RASGRF2: variants seen among roughly 807,000 people sequenced by gnomAD.
RASGRF2 encodes ras-specific guanine nucleotide-releasing factor 2.
In RASGRF2, 76 loss-of-function variants were observed where a neutral mutation model predicts 151.0. That is an observed-to-expected ratio of 0.50 (90% CI 0.42 to 0.61). The LOEUF is 0.61. Among genes scored for constraint, RASGRF2 ranks in the 20% least tolerant of loss-of-function variants. RASGRF2 has a pLI of 0.00. For missense variants in RASGRF2, 1,148 were observed against 1,564.6 expected, an observed-to-expected ratio of 0.73 and a Z score of 4.49; for synonymous variants, 504 against 566.5, an observed-to-expected ratio of 0.89 and a Z score of 1.57.
intron 1 of RASGRF2, among the ~76,000 whole-genome samples, chr5:80,966,990 A>G (rs1391717551): frequency 6.6e-6 from 1 of 152,230 alleles, no homozygotes; most frequent in Admixed American, 6.5e-5. Context: ...AGGCCTATAT[A>G]AGAATAATTT....
At chr5:81,078,749 T>C (rs1382344590) in intron 5 of RASGRF2, among the ~76,000 whole-genome samples, 3 of 152,320 alleles carry the variant, frequency 2.0e-5, no homozygotes, top group South Asian at 2.1e-4. Context: ...TATCAAAATA[T>C]GAAGGTAGAT....
chr5:81,154,127 C>T (rs1328269174), intron 17 of RASGRF2, among the ~76,000 whole-genome samples: 1 of 152,086 alleles, frequency 6.6e-6, no homozygotes, highest in Non-Finnish European at 1.5e-5. Context: ...AACTTTAATA[C>T]CCCACTCTAA....
At chr5:80,976,105 A>G (rs1248179292) in intron 1 of RASGRF2, among the ~76,000 whole-genome samples, 1 of 152,180 alleles carries the variant, frequency 6.6e-6, no homozygotes, top group Non-Finnish European at 1.5e-5. Flanking sequence ...TGGCCTCCCA[A>G]AGTGCTGGGA....
At chr5:80,961,144 TCCCC>T in intron 1 of RASGRF2, 118 bp downstream of exon 1, 1 of 1,166,644 alleles carries the variant, frequency 8.6e-7, no homozygotes, top group Non-Finnish European at 1.1e-6. Context: ...TGCTCCGAAA[TCCCC>T]CCGCGTCACC....
At chr5:80,971,246 C>T (rs1027540318) in intron 1 of RASGRF2, among the ~76,000 whole-genome samples, 11 of 152,200 alleles carry the variant, frequency 7.2e-5, no homozygotes, top group African/African-American at 2.2e-4. Flanking sequence ...CCACCCCAAC[C>T]GTGGGTAGCC....
At chr5:80,981,496 C>T (rs1252847667) in intron 1 of RASGRF2, among the ~76,000 whole-genome samples, 2 of 151,772 alleles carry the variant, frequency 1.3e-5, no homozygotes, top group African/African-American at 4.8e-5. Flanking sequence ...AGCACACTGG[C>T]GTGTACTTGT....
At chr5:81,068,342 A>G (rs915416080) in intron 3 of RASGRF2, among the ~76,000 whole-genome samples, 163 bp downstream of exon 3, 1 of 151,806 alleles carries the variant, frequency 6.6e-6, no homozygotes, top group Non-Finnish European at 1.5e-5. Flanking sequence ...TCTAATGTCT[A>G]TATTAGGATT....
intron 1 of RASGRF2, among the ~76,000 whole-genome samples, chr5:81,004,746 T>C (rs1749209073): frequency 6.6e-6 from 1 of 152,222 alleles, no homozygotes; most frequent in Non-Finnish European, 1.5e-5. Context: ...TTTTGGCAGA[T>C]AGAGGCAAGA....
Position 81,203,121 on chromosome 5 carries a change from C to T in RASGRF2, c.2906+1679C>T, listed in dbSNP as rs1225057740. On this transcript the variant is annotated intron_variant, in intron 19 of 26. Coordinates refer to ENST00000265080, the MANE Select transcript of RASGRF2 (RefSeq NM_006909.3). ...TTTTCAGATTTTAAAATTGTAAGTACATATTGAGGTGAAGCCTGATTTCAG... is the reference window on the plus strand; with the variant it reads ...TTTTCAGATTTTAAAATTGTAAGTATATATTGAGGTGAAGCCTGATTTCAG... 5.9e-5 allele frequency among the ~76,000 whole-genome samples: 9 copies of T among 152,210 alleles called. No individual in the cohort carries two copies. The East Asian group carries it at 1.7e-3, about 29-fold the overall frequency.
chr5:81,034,406 C>G (rs1218727295), intron 1 of RASGRF2, among the ~76,000 whole-genome samples: 1 of 152,134 alleles, frequency 6.6e-6, no homozygotes, highest in East Asian at 1.9e-4. Context: ...CCTCAGGGAT[C>G]TAGAACTAGA....
chr5:81,125,121 A>G (rs961975266), intron 16 of RASGRF2, among the ~76,000 whole-genome samples: 5 of 152,180 alleles, frequency 3.3e-5, no homozygotes, highest in Admixed American at 2.0e-4. Context: ...TCCTGACCTC[A>G]GGTGATTCAC....
At chr5:81,143,745 C>T (rs2112605946) in intron 17 of RASGRF2, among the ~76,000 whole-genome samples, 1 of 151,990 alleles carries the variant, frequency 6.6e-6, no homozygotes, top group South Asian at 2.1e-4. Context: ...CAAAAATTAG[C>T]CGGACGTGGT....
intron 1 of RASGRF2, among the ~76,000 whole-genome samples, chr5:80,984,805 T>C (rs1748425386): frequency 6.6e-6 from 1 of 152,214 alleles, no homozygotes; most frequent in Non-Finnish European, 1.5e-5. Context: ...ACTTAAACTA[T>C]GGATTATCCA....
intron 9 of RASGRF2, among the ~76,000 whole-genome samples, chr5:81,090,003 A>C (rs1030733226): frequency 2.6e-5 from 4 of 152,222 alleles, no homozygotes; most frequent in Non-Finnish European, 1.5e-5. Flanking sequence ...CATTGTGAAC[A>C]GTGTTTTGTG....
chr5:80,965,930 ATTAC>A (rs1747707523), intron 1 of RASGRF2, among the ~76,000 whole-genome samples: 1 of 152,170 alleles, frequency 6.6e-6, no homozygotes, highest in Non-Finnish European at 1.5e-5. Context: ...TTGGAATGAA[ATTAC>A]TTAGTCTTTA....
intron 23 of RASGRF2, among the ~76,000 whole-genome samples, chr5:81,215,339 C>T (rs1049178557): frequency 4.1e-5 from 6 of 147,790 alleles, no homozygotes; most frequent in Admixed American, 2.7e-4. Flanking sequence ...GGCGCAATCT[C>T]GGCTCACTGC....
intron 1 of RASGRF2, among the ~76,000 whole-genome samples, chr5:81,033,746 T>A (rs1750358161): frequency 6.6e-6 from 1 of 152,172 alleles, no homozygotes; most frequent in Admixed American, 6.5e-5. Context: ...GGGCAAGGAT[T>A]TCATGTCTAA....
chr5:81,063,768 G>A (rs1004701361), intron 2 of RASGRF2, among the ~76,000 whole-genome samples: 1 of 151,978 alleles, frequency 6.6e-6, no homozygotes, highest in Non-Finnish European at 1.5e-5. Flanking sequence ...TAATTCCATT[G>A]AGCTATAAAA....
intron 17 of RASGRF2, among the ~76,000 whole-genome samples, chr5:81,174,830 A>G (rs548012239): frequency 6.6e-6 from 1 of 152,362 alleles, no homozygotes; most frequent in African/African-American, 2.4e-5. Flanking sequence ...ATCCATGACA[A>G]TATGAAACAT....
Sources: allele counts gnomAD v4.1 joint callset (sites outside exome capture counted in the v4.1 genomes callset), GRCh38; gene constraint gnomAD v4.1.1; transcripts MANE v1.5; gene names NCBI Gene and HGNC (gene_info 2026-07-23, HGNC 2026-07-21).